The following XIRP1 variants were observed in gnomAD, a reference collection of about 807,000 sequenced individuals.
The protein encoded by XIRP1 is xin actin-binding repeat-containing protein 1.
For synonymous variants in XIRP1, 984 were observed against 947.0 expected, an observed-to-expected ratio of 1.04 and a Z score of -0.72; for missense variants, 2,378 against 2,345.4, an observed-to-expected ratio of 1.01 and a Z score of -0.29.
chr3:39,191,829 C>A (rs1053685192), intron 1 of XIRP1, among the ~76,000 whole-genome samples: 2 of 152,196 alleles, frequency 1.3e-5, no homozygotes, highest in African/African-American at 2.4e-5. Context: ...TCCCGTGAGC[C>A]CCCCAAATCT....
In XIRP1 at chr3:39,189,479, G is replaced by T; in HGVS notation, c.-34C>A. 1 of 1,544,116 alleles carries T rather than the reference G, an allele frequency of 6.5e-7. No individual in the cohort carries two copies. The highest frequency in any genetic ancestry group is 8.7e-7 in the Non-Finnish European group (1 of 1,147,034). ...GAAGAAGGGGCAGAGATGAGGATGG[G>T]ATTGGGAGCCTTAGATCTAGATGTT... On this transcript the variant is annotated 5_prime_UTR_variant, in exon 2 of 2. Coordinates refer to ENST00000340369, the MANE Select transcript of XIRP1 (RefSeq NM_194293.4).
rs150567366 is a variant in XIRP1, at chr3:39,184,588, C to T, written c.4858G>A (p.Glu1620Lys). The change falls in exon 2 of 2, where the codon GAG becomes AAG. Residue 1620 changes from glutamate to lysine, a missense_variant. Transcript: ENST00000340369. ...CTGATCTTGACTTGACTCTGGGCCT[C>T]AGTGTGGCATTCAACCTTGGCTTGG... is the stretch of plus-strand genomic sequence containing the variant. ...KNQAKVECHT[E>K]AQSQVKIRNH... The T allele has an allele frequency of 9.8e-5, 158 of 1,613,872 alleles. 1 individual carries two copies. In the African/African-American group the frequency reaches 1.8e-3, roughly 18 times the overall value.
chr3:39,184,820 C>G lies in XIRP1; in HGVS notation c.4626G>C (p.Gln1542His), dbSNP rs2039933421. The G allele has an allele frequency of 6.2e-7, 1 of 1,613,930 alleles. No homozygotes were observed. ...VSTEVAQLKE[Q>H]TLARLLDIEE... ...CAATGTCCAGCAGCCTTGCCAAGGT[C>G]TGTTCCTTCAGTTGAGCAACTTCCG... The change falls in exon 2 of 2, where the codon CAG (glutamine) becomes CAC (histidine). Residue 1542 changes from glutamine (Q) to histidine (H), a missense_variant. Gln to His is a conservative substitution (Grantham distance 24). Transcript: ENST00000340369.
chr3:39,183,801 G>T lies in XIRP1; in HGVS notation c.*113C>A. 2 of 1,409,350 alleles carry T rather than the reference G, an allele frequency of 1.4e-6. No individual in the cohort carries two copies. The highest frequency in any genetic ancestry group is 2.9e-5 in the African/African-American group (2 of 69,470). The allele number at this position is 1,409,350 out of a possible 1,614,324, so 87.3% of individuals were successfully genotyped here. A position where few individuals can be genotyped will look rare whatever the true frequency, so the allele number is the denominator to read the frequency against. ...AAATGGCCCACAGTAATCCTCTGAA[G>T]ATGCCATTTCCTCTTGGTCCTTGCT... On this transcript the variant is annotated 3_prime_UTR_variant, in exon 2 of 2. Coordinates refer to ENST00000340369, the MANE Select transcript of XIRP1 (RefSeq NM_194293.4).
Position 39,184,808 on chromosome 3 carries a change from C to G in XIRP1, c.4638G>C (p.Arg1546Ser). The change falls in exon 2 of 2, where the codon AGG (arginine) becomes AGC (serine). Residue 1546 changes from arginine to serine, a missense_variant. Transcript: ENST00000340369. ...GCACAGCCTCTTCAATGTCCAGCAG[C>G]CTTGCCAAGGTCTGTTCCTTCAGTT... ...VAQLKEQTLA[R>S]LLDIEEAVHK... The G allele has an allele frequency of 6.2e-7, 1 of 1,614,204 alleles. No individual in the cohort carries two copies. Among genetic ancestry groups the G allele is most frequent in the Non-Finnish European group, 8.5e-7 (1 of 1,180,010 alleles).
In XIRP1 at chr3:39,185,431, G is replaced by A. The variant is rs2039948529; in HGVS notation, c.4015C>T (p.Pro1339Ser). The change falls in exon 2 of 2, where the codon CCT becomes TCT. Residue 1339 changes from proline (P) to serine (S), a missense_variant. Physicochemically the swap from Pro to Ser is moderately conservative, Grantham distance 74. Transcript: ENST00000340369. ...GGCAAGGGCTTGGGCAGCCTCTGAG[G>A]AGGGTGGCTCTGGGTTAGGTGTGCA... is the stretch of plus-strand genomic sequence containing the variant. ...KPAHLTQSHP[P>S]QRLPKPLPLS... 1.2e-6 allele frequency: 2 copies of A among 1,611,062 alleles called. No individual in the cohort carries two copies. Among genetic ancestry groups the A allele is most frequent in the East Asian group, 4.5e-5 (2 of 44,864 alleles).
In XIRP1 at chr3:39,192,589, T is replaced by A. The variant is rs2040100448; in HGVS notation, c.-224A>T. Reference sequence around the variant, plus strand: ...ACCTTCTTGCTGCCCTGGCTCCAGGTCTCTGTCCCCTGCCAGCCCCAGCAG... The same window carrying A: ...ACCTTCTTGCTGCCCTGGCTCCAGGACTCTGTCCCCTGCCAGCCCCAGCAG... On this transcript the variant is annotated 5_prime_UTR_variant, in exon 1 of 2. Coordinates refer to ENST00000340369, the MANE Select transcript of XIRP1 (RefSeq NM_194293.4). 1 of 151,872 alleles carries A rather than the reference T, an allele frequency of 6.6e-6. No homozygotes were observed. The highest frequency in any genetic ancestry group is 6.6e-5 in the Admixed American group (1 of 15,252). 9.4% of individuals were successfully genotyped at this position (151,872 alleles called of 1,614,324 possible).
chr3:39,184,396 C>T lies in XIRP1; in HGVS notation c.5050G>A (p.Glu1684Lys), dbSNP rs769696044. The change falls in exon 2 of 2, where the codon GAG (glutamate) becomes AAG (lysine). Residue 1684 changes from glutamate to lysine, a missense_variant. Physicochemically the swap from Glu to Lys is moderately conservative, Grantham distance 56. Coordinates refer to ENST00000340369, the MANE Select transcript of XIRP1 (RefSeq NM_194293.4). The stretch of plus-strand genomic sequence containing the variant: ...GGGTTGCCCTTAAAGCTGGGAGTCT[C>T]TAGAGGCTTCCTTGTGGCCGACTGG... ...SIQSATRKPL[E>K]TPSFKGNPDV... 6.2e-6 allele frequency: 10 copies of T among 1,614,086 alleles called. No individual in the cohort carries two copies. Among genetic ancestry groups the T allele is most frequent in the South Asian group, 3.3e-5 (3 of 91,088 alleles).
In XIRP1 at chr3:39,189,301, G is replaced by T; in HGVS notation, c.145C>A (p.Arg49=). ...AGGCGGCGGAGCTCACTAGCTTGCC[G>T]CTGCTGATGGAACTTGGAGAAGGAT... The part of the protein sequence containing the change: ...KESFSKFHQQ[R]QASELRRLYR... The change falls in exon 2 of 2, where the codon CGG becomes AGG. Residue 49 remains arginine (R), a synonymous_variant. Transcript: ENST00000340369. The T allele has an allele frequency of 6.2e-7, 1 of 1,613,734 alleles. No individual in the cohort carries two copies. The highest frequency in any genetic ancestry group is 8.5e-7 in the Non-Finnish European group (1 of 1,179,996).
rs2040043926 is a variant in XIRP1, at chr3:39,189,001, C to G, written c.445G>C (p.Gly149Arg). 1.9e-6 allele frequency: 3 copies of G among 1,613,888 alleles called. No individual in the cohort carries two copies. The highest frequency in any genetic ancestry group is 1.7e-5 in the Admixed American group (1 of 60,014). Residue 149 changes from glycine to arginine, a missense_variant, in exon 2 of 2, where the codon GGT becomes CGT. Coordinates refer to ENST00000340369, the MANE Select transcript of XIRP1 (RefSeq NM_194293.4). ...CGGGCTGCACGAACGTCTCCTCCACCTGGCTGGGGCCTGGTTGGCTCCTGG... is the reference window on the plus strand; with the variant it reads ...CGGGCTGCACGAACGTCTCCTCCACGTGGCTGGGGCCTGGTTGGCTCCTGG... Reference protein sequence around the residue: ...TDQEPTRPQPGGGDVRAARWL... With the variant: ...TDQEPTRPQPRGGDVRAARWL...
In XIRP1 at chr3:39,188,855, C is replaced by T. The variant is rs765511053; in HGVS notation, c.591G>A (p.Thr197=). 3.4e-5 allele frequency: 55 copies of T among 1,612,388 alleles called. 1 individual carries two copies. In the Admixed American group the frequency reaches 6.3e-4, roughly 19 times the overall value. ...GGGAGCCCAGGCGGTCCAGCGGCCG[C>T]GTCTCAAAGAGCATCCTGGTACCCT... ...DVQGTRMLFE[T]RPLDRLGSRP... is the part of the protein sequence containing the mutation. Residue 197 remains threonine, a synonymous_variant, in exon 2 of 2, where the codon ACG becomes ACA. Coordinates refer to ENST00000340369, the MANE Select transcript of XIRP1 (RefSeq NM_194293.4).
intron 1 of XIRP1, among the ~76,000 whole-genome samples, chr3:39,190,393 G>T (rs1288295698): frequency 6.6e-6 from 1 of 152,084 alleles, no homozygotes; most frequent in African/African-American, 2.4e-5. Flanking sequence ...CAGGTGTAAA[G>T]CTTTCTTATT....
In XIRP1 at chr3:39,185,696, A is replaced by G. The variant is rs781509823; in HGVS notation, c.3750T>C (p.His1250=). The change falls in exon 2 of 2, where the codon CAT becomes CAC. Residue 1250 remains histidine (H), a synonymous_variant. Coordinates refer to ENST00000340369, the MANE Select transcript of XIRP1 (RefSeq NM_194293.4). ...TAGGAGGAGGAGGAACAAAGGCATT[A>G]TGGGGGTGCGGGCTGGCACCTGCAG... The part of the protein sequence containing the change: ...PQAAGASPHP[H]NAFVPPPPTL... The G allele has an allele frequency of 6.2e-7, 1 of 1,612,634 alleles. No homozygotes were observed. Among genetic ancestry groups the G allele is most frequent in the Non-Finnish European group, 8.5e-7 (1 of 1,179,296 alleles).
Position 39,183,933 on chromosome 3 carries a change from G to C in XIRP1, c.5513C>G (p.Ser1838Cys), listed in dbSNP as rs1267913316. 1.2e-6 allele frequency: 2 copies of C among 1,611,004 alleles called. No homozygotes were observed. Among genetic ancestry groups the C allele is most frequent in the Non-Finnish European group, 1.7e-6 (2 of 1,179,766 alleles). ...AETVQVSCSY[S>C]QPAAQ is the part of the protein sequence containing the mutation. Reference sequence around the variant, plus strand: ...TGGGCCTCACTGGGCAGCTGGCTGGGAGTAGCTGCAGGACACCTGCACCGT... The same window carrying C: ...TGGGCCTCACTGGGCAGCTGGCTGGCAGTAGCTGCAGGACACCTGCACCGT... Residue 1838 changes from serine to cysteine, a missense_variant, in exon 2 of 2, where the codon TCC becomes TGC. Ser to Cys is a moderately radical substitution (Grantham distance 112). Transcript: ENST00000340369.
chr3:39,187,255 G>T lies in XIRP1; in HGVS notation c.2191C>A (p.Leu731Ile). The change falls in exon 2 of 2, where the codon CTT (leucine) becomes ATT (isoleucine). Residue 731 changes from leucine (L) to isoleucine (I), a missense_variant. Transcript: ENST00000340369. The stretch of plus-strand genomic sequence containing the variant: ...GAGCCCATGGGACAATTCTCAAAAA[G>T]CCAAGTGAACTTGTGGACAGAACCC... ...PAGSVHKFTW[L>I]FENCPMGSLA... 6.3e-7 allele frequency: 1 copy of T among 1,582,780 alleles called. No homozygotes were observed. The highest frequency in any genetic ancestry group is 2.3e-5 in the East Asian group (1 of 44,356).
Position 39,186,381 on chromosome 3 carries a change from T to G in XIRP1, c.3065A>C (p.Asp1022Ala). 1 of 1,614,198 alleles carries G rather than the reference T, an allele frequency of 6.2e-7. No homozygotes were observed. The highest frequency in any genetic ancestry group is 1.1e-5 in the South Asian group (1 of 91,086). ...AQLQNTEKQE[D>A]SHSGQKGMAV... ...CATCCCTTTCTGTCCAGAGTGACTGTCTTCCTGCTTTTCTGTGTTTTGCAA... is the reference window on the plus strand; with the variant it reads ...CATCCCTTTCTGTCCAGAGTGACTGGCTTCCTGCTTTTCTGTGTTTTGCAA... Residue 1022 changes from aspartate (D) to alanine (A), a missense_variant, in exon 2 of 2, where the codon GAC becomes GCC. By Grantham distance (126) the Asp-to-Ala change is moderately radical. Transcript: ENST00000340369.
In XIRP1 at chr3:39,188,479, A is replaced by C. The variant is rs1245921345; in HGVS notation, c.967T>G (p.Leu323Val). Residue 323 changes from leucine to valine, a missense_variant, in exon 2 of 2, where the codon TTG (leucine) becomes GTG (valine). Leu to Val is a conservative substitution (Grantham distance 32). Transcript: ENST00000340369. ...TQPLDAIREI[L>V]VDEKDFQPSP... ...GGCTGGAAGTCCTTCTCATCTACCA[A>C]GATCTCCCGGATGGCATCCAGGGGC... 2 of 1,602,170 alleles carry C rather than the reference A, an allele frequency of 1.2e-6. No individual in the cohort carries two copies. The highest frequency in any genetic ancestry group is 2.7e-5 in the African/African-American group (2 of 74,704).
rs545563374 is a variant in XIRP1 at position 39,183,581 on chromosome 3, T to C, written c.*333A>G. On this transcript the variant is annotated 3_prime_UTR_variant, in exon 2 of 2. Coordinates refer to ENST00000340369, the MANE Select transcript of XIRP1 (RefSeq NM_194293.4). ...TGGGGGGCTCCAATTCAGGCAGTGG[T>C]GTGCAAATTCACACATGTCGATGCG... The C allele has an allele frequency of 1.4e-5, 4 of 288,118 alleles. No individual in the cohort carries two copies. Among genetic ancestry groups the C allele is most frequent in the Middle Eastern group, 1.0e-3 (1 of 978 alleles). The allele number at this position is 288,118 out of a possible 1,614,324, so 17.8% of individuals were successfully genotyped here.
chr3:39,191,465 C>G (rs1009826158), intron 1 of XIRP1, among the ~76,000 whole-genome samples: 1 of 151,484 alleles, frequency 6.6e-6, no homozygotes, highest in African/African-American at 2.4e-5. Context: ...GTCACTCAAT[C>G]TAAACCCCTT....
Sources: allele counts gnomAD v4.1 joint callset (sites outside exome capture counted in the v4.1 genomes callset), GRCh38; gene constraint gnomAD v4.1.1; transcripts MANE v1.5; gene names NCBI Gene and HGNC (gene_info 2026-07-23, HGNC 2026-07-21).